The following LGR5 variants were observed in gnomAD, a reference collection of about 807,000 sequenced individuals.
LGR5 encodes leucine rich repeat containing G protein-coupled receptor 5.
A neutral mutation model predicts 76.7 loss-of-function variants in LGR5; 54 were observed. The observed-to-expected ratio is 0.70, with a 90% CI of 0.57 to 0.88. The LOEUF is 0.88. Among genes scored for constraint, LGR5 ranks in the 40% least tolerant of loss-of-function variants. The probability of loss-of-function intolerance (pLI) is 0.00; values close to 1 mark genes in which losing one functional copy is unlikely to be tolerated. For synonymous variants in LGR5, 406 were observed against 421.9 expected (o/e 0.96, Z 0.46); for missense variants, 1,078 against 1,073.3 (o/e 1.00, Z -0.06).
intron 3 of LGR5, among the ~76,000 whole-genome samples, chr12:71,526,269 T>G (rs1875999286): frequency 6.6e-6 from 1 of 152,194 alleles, no homozygotes; most frequent in Non-Finnish European, 1.5e-5. Context: ...TGATATGTAC[T>G]TTTACCTACA....
chr12:71,519,446 C>T (rs1479024235), intron 2 of LGR5, among the ~76,000 whole-genome samples: 2 of 152,166 alleles, frequency 1.3e-5, no homozygotes, highest in Non-Finnish European at 2.9e-5. Flanking sequence ...AGAATACCAG[C>T]TCCATGAGGT....
At chr12:71,519,014 C>A (rs1198845424) in intron 2 of LGR5, among the ~76,000 whole-genome samples, 3 of 152,162 alleles carry the variant, frequency 2.0e-5, no homozygotes, top group African/African-American at 7.2e-5. Flanking sequence ...AGGGTCCCAT[C>A]AGAAGGACAT....
intron 4 of LGR5, among the ~76,000 whole-genome samples, chr12:71,543,978 G>T (rs1006122127): frequency 6.6e-6 from 1 of 152,196 alleles, no homozygotes; most frequent in Admixed American, 6.5e-5. Flanking sequence ...AGAAGTTATT[G>T]CTCACATTAC....
chr12:71,484,305 A>C (rs978442739), intron 1 of LGR5, among the ~76,000 whole-genome samples: 2 of 152,240 alleles, frequency 1.3e-5, no homozygotes, highest in Non-Finnish European at 2.9e-5. Flanking sequence ...GCACTACACT[A>C]TCTTGGGGGA....
intron 1 of LGR5, among the ~76,000 whole-genome samples, chr12:71,501,762 A>G (rs1467075419): frequency 6.6e-6 from 1 of 152,194 alleles, no homozygotes; most frequent in Non-Finnish European, 1.5e-5. Context: ...TTAGTAATCA[A>G]TTTTTATTAT....
rs534661746 is a variant in LGR5 at position 71,571,072 on chromosome 12, T to C, written c.1071-442T>C. ...TCCCCCACCTCCTTCTTGTAGTGAT[T>C]GATTTCAAAGCTCCTGCTATGTTTT... is the stretch of plus-strand genomic sequence containing the variant. On this transcript the variant is annotated intron_variant, in intron 11 of 17. Transcript: ENST00000266674. 3.9e-5 allele frequency among the ~76,000 whole-genome samples: 6 copies of C among 152,338 alleles called. No individual in the cohort carries two copies. In the South Asian group the frequency reaches 1.2e-3, roughly 32 times the overall value.
chr12:71,522,089 G>C (rs143569575), intron 2 of LGR5, among the ~76,000 whole-genome samples: 63 of 152,276 alleles, frequency 4.1e-4, no homozygotes, highest in African/African-American at 1.5e-3. Flanking sequence ...GGGGGAATGT[G>C]GAGGGCATGT....
At position 71,536,018 on chromosome 12, in the gene LGR5, C is replaced by T. The variant is rs117623530; in HGVS notation, c.428+832C>T. Among the ~76,000 whole-genome samples, 20 of 152,304 alleles carry T rather than the reference C, an allele frequency of 1.3e-4. No individual in the cohort carries two copies. The East Asian group carries it at 3.5e-3, about 26-fold the overall frequency. ...ACTACTATTTAGTCAGTAAATCTTC[C>T]TCCCATTAGAATGTATAAGTGTTTA... is the stretch of plus-strand genomic sequence containing the variant. On this transcript the variant is annotated intron_variant, in intron 4 of 17. Coordinates refer to ENST00000266674, the MANE Select transcript of LGR5 (RefSeq NM_003667.4).
chr12:71,467,318 A>T (rs1205603477), intron 1 of LGR5, among the ~76,000 whole-genome samples: 1 of 152,212 alleles, frequency 6.6e-6, no homozygotes, highest in Non-Finnish European at 1.5e-5. Context: ...GGTAGTGAAG[A>T]TAATTGTACA....
At chr12:71,567,055 C>T (rs1878386768) in intron 11 of LGR5, 143 bp downstream of exon 11, 1 of 679,690 alleles carries the variant, frequency 1.5e-6, no homozygotes, top group African/African-American at 1.8e-5. Context: ...CTCCTTTGCC[C>T]TCTTTGGTCC....
chr12:71,553,124 C>T lies in LGR5; in HGVS notation c.480C>T (p.Gly160=), dbSNP rs771508671. ...ATGTGCCCCCAAGCTGTTTCAGTGG[C>T]CTGCATTCCCTGAGGCACCTGTGGC... ...ISYVPPSCFS[G]LHSLRHLWLD... The change falls in exon 5 of 18, where the codon GGC becomes GGT. Residue 160 remains glycine, a synonymous_variant. Coordinates refer to ENST00000266674, the MANE Select transcript of LGR5 (RefSeq NM_003667.4). 3.1e-6 allele frequency: 5 copies of T among 1,614,002 alleles called. No homozygotes were observed. Among genetic ancestry groups the T allele is most frequent in the Non-Finnish European group, 4.2e-6 (5 of 1,180,008 alleles).
chr12:71,566,754 C>G, intron 10 of LGR5, 54 bp downstream of exon 10: 1 of 1,558,438 alleles, frequency 6.4e-7, no homozygotes, highest in Non-Finnish European at 8.9e-7. Flanking sequence ...GCCATTAGAG[C>G]TTGATCAGTC....
chr12:71,439,744 G>A (rs1871658494), upstream of LGR5: 1 of 275,848 alleles, frequency 3.6e-6, no homozygotes, highest in South Asian at 6.5e-5. Context: ...ACGTCACTGG[G>A]CGCGCAATTC....
chr12:71,552,563 G>A (rs1203471805), intron 4 of LGR5, among the ~76,000 whole-genome samples: 8 of 121,488 alleles, frequency 6.6e-5, no homozygotes, highest in Admixed American at 4.7e-4. Flanking sequence ...GAGAGACTTC[G>A]TCTCAAAAAA....
intron 1 of LGR5, among the ~76,000 whole-genome samples, chr12:71,496,874 C>A (rs1381016960): frequency 6.6e-6 from 1 of 152,020 alleles, no homozygotes; most frequent in East Asian, 1.9e-4. Context: ...TAAAAAGAAG[C>A]AAAACTAATA....
At chr12:71,552,759 A>G (rs972533477) in intron 4 of LGR5, among the ~76,000 whole-genome samples, 4 of 152,194 alleles carry the variant, frequency 2.6e-5, no homozygotes, top group African/African-American at 2.4e-5. Context: ...GAAAGAAACT[A>G]AAAGATCATC....
At chr12:71,543,120 G>A (rs1347528465) in intron 4 of LGR5, among the ~76,000 whole-genome samples, 2 of 152,158 alleles carry the variant, frequency 1.3e-5, no homozygotes, top group Non-Finnish European at 2.9e-5. Flanking sequence ...CTAGACAGCT[G>A]CTCAGACAAG....
Position 71,524,415 on chromosome 12 carries a change from G to A in LGR5, c.294G>A (p.Ala98=), listed in dbSNP as rs773463470. The change falls in exon 3 of 18, where the codon GCG becomes GCA. Residue 98 remains alanine (A), a synonymous_variant. Transcript: ENST00000266674. ...CCATTGAAACCCACAGACGTCTTGCGGGAAACGCTCTGACATACATTCCCA... is the reference window on the plus strand; with the variant it reads ...CCATTGAAACCCACAGACGTCTTGCAGGAAACGCTCTGACATACATTCCCA... ...SLRFLEELRL[A]GNALTYIPKG... is the part of the protein sequence containing the mutation. 23 of 1,611,856 alleles carry A rather than the reference G, an allele frequency of 1.4e-5. No individual in the cohort carries two copies. The highest frequency in any genetic ancestry group is 1.6e-4 in the Middle Eastern group (1 of 6,082).
chr12:71,475,324 T>C (rs1873280869), intron 1 of LGR5, among the ~76,000 whole-genome samples: 2 of 152,200 alleles, frequency 1.3e-5, no homozygotes, highest in South Asian at 4.1e-4. Context: ...ACGTCTTTAA[T>C]TTAAAACAAA....
Sources: allele counts gnomAD v4.1 joint callset (sites outside exome capture counted in the v4.1 genomes callset), GRCh38; gene constraint gnomAD v4.1.1; transcripts MANE v1.5; gene names NCBI Gene and HGNC (gene_info 2026-07-23, HGNC 2026-07-21).